The following CNTN4 variants were observed in gnomAD, a reference collection of about 807,000 sequenced individuals.
CNTN4 encodes the protein contactin-4.
Under a neutral mutation model 122.5 loss-of-function variants are expected in CNTN4, and 77 were observed. The observed-to-expected ratio is 0.63, with a 90% confidence interval of 0.52 to 0.76. The LOEUF (loss-of-function observed/expected upper bound fraction) is 0.76. CNTN4 is among the 30% of genes least tolerant of loss of function. The probability of loss-of-function intolerance (pLI) is 0.00; values close to 1 mark genes in which losing one functional copy is unlikely to be tolerated. For missense variants in CNTN4, 1,256 were observed against 1,259.1 expected, an observed-to-expected ratio of 1.00 and a Z score of 0.04; for synonymous variants, 512 against 447.0, an observed-to-expected ratio of 1.15 and a Z score of -1.83.
intron 5 of CNTN4, among the ~76,000 whole-genome samples, chr3:2,736,791 T>TTTAC (rs34811084): frequency 5.3e-5 from 8 of 150,422 alleles, no homozygotes; most frequent in East Asian, 2.0e-4. Context: ...TATTTATTTA[T>TTTAC]TTATTTATTT....
chr3:2,550,631 C>G (rs1003116629), intron 3 of CNTN4, among the ~76,000 whole-genome samples: 1 of 152,148 alleles, frequency 6.6e-6, no homozygotes, highest in Non-Finnish European at 1.5e-5. Flanking sequence ...AACCATTCTA[C>G]TATAAAGACA....
intron 3 of CNTN4, among the ~76,000 whole-genome samples, chr3:2,410,022 G>A (rs1023513332): frequency 5.3e-5 from 8 of 152,262 alleles, no homozygotes; most frequent in South Asian, 2.1e-4. Flanking sequence ...ATAGAAATTA[G>A]CCATATTATA....
At chr3:2,785,904 C>CG (rs869285649) in intron 6 of CNTN4, among the ~76,000 whole-genome samples, 1 of 130,804 alleles carries the variant, frequency 7.6e-6, no homozygotes, top group Non-Finnish European at 1.7e-5. Context: ...TGCCCCCCCC[C>CG]GCCCCCCCAT....
At chr3:2,562,263 G>T (rs1221240032) in intron 3 of CNTN4, among the ~76,000 whole-genome samples, 1 of 152,242 alleles carries the variant, frequency 6.6e-6, no homozygotes, top group East Asian at 1.9e-4. Context: ...GGGGGTACTT[G>T]TGTGGGTTTG....
At chr3:2,762,170 G>A (rs1286144549) in intron 6 of CNTN4, among the ~76,000 whole-genome samples, 1 of 152,246 alleles carries the variant, frequency 6.6e-6, no homozygotes, top group Admixed American at 6.5e-5. Context: ...GTAGAAAAGC[G>A]GGAATGAAGA....
At position 2,562,942 on chromosome 3, in the gene CNTN4, G is replaced by A. The variant is rs145906741; in HGVS notation, c.-88-8474G>A. 3.2e-3 allele frequency among the ~76,000 whole-genome samples: 482 copies of A among 151,954 alleles called. 4 individuals are homozygous for A. The highest frequency in any genetic ancestry group is 0.017 in the Middle Eastern group (5 of 294). ...GGTATCCCCCTGTGTTGCCCTGGCT[G>A]GTCTCGAAGTCCTGGACTGAAACAG... On this transcript the variant is annotated intron_variant, in intron 3 of 24. Transcript: ENST00000418658.
In CNTN4 at chr3:3,055,161, A is replaced by G. The variant is rs1008462249; in HGVS notation, c.2981-959A>G. On this transcript the variant is annotated intron_variant, in intron 24 of 24. Coordinates refer to ENST00000418658, the MANE Select transcript of CNTN4 (RefSeq NM_175607.3). ...CTTAAAAGGGGGACAATTGGATTAT[A>G]CTTTATCAAACAAAGCCTCTAACTT... 2.6e-5 allele frequency among the ~76,000 whole-genome samples: 4 copies of G among 152,178 alleles called. No individual in the cohort carries two copies. In the East Asian group the frequency reaches 5.8e-4, roughly 22 times the overall value.
chr3:2,853,425 A>G (rs1282079700), intron 7 of CNTN4, among the ~76,000 whole-genome samples: 5 of 152,052 alleles, frequency 3.3e-5, no homozygotes, highest in Non-Finnish European at 5.9e-5. Context: ...TTGAATTTTT[A>G]GTAGAGATGG....
At chr3:2,632,137 C>A (rs561718920) in intron 4 of CNTN4, among the ~76,000 whole-genome samples, 29 of 152,116 alleles carry the variant, frequency 1.9e-4, no homozygotes, top group African/African-American at 6.7e-4. Flanking sequence ...TTATGTCTCT[C>A]CTGATCTGTA....
chr3:2,813,166 G>C (rs926220224), intron 6 of CNTN4, among the ~76,000 whole-genome samples: 3 of 152,192 alleles, frequency 2.0e-5, no homozygotes, highest in Admixed American at 6.5e-5. Flanking sequence ...GCATGATAGT[G>C]AGTTTTTAAA....
intron 3 of CNTN4, among the ~76,000 whole-genome samples, chr3:2,460,687 C>A (rs147061106): frequency 1.3e-5 from 2 of 152,138 alleles, no homozygotes; most frequent in Non-Finnish European, 2.9e-5. Flanking sequence ...TTAAGGATTA[C>A]AGTTGAAGAT....
intron 2 of CNTN4, among the ~76,000 whole-genome samples, chr3:2,321,322 T>C (rs751346037): frequency 6.6e-6 from 1 of 152,122 alleles, no homozygotes; most frequent in Non-Finnish European, 1.5e-5. Flanking sequence ...TTATTAGCCA[T>C]GTACCCCCAT....
chr3:2,210,496 C>T (rs1336631119), intron 2 of CNTN4, among the ~76,000 whole-genome samples: 1 of 152,164 alleles, frequency 6.6e-6, no homozygotes. Context: ...ACATTTTCCA[C>T]ACAATGTAGC....
chr3:2,331,921 G>C (rs1003537120), intron 2 of CNTN4, among the ~76,000 whole-genome samples: 1 of 152,158 alleles, frequency 6.6e-6, no homozygotes, highest in Non-Finnish European at 1.5e-5. Context: ...CTAGCCCACT[G>C]CTACTGGGCT....
At chr3:2,104,286 G>C (rs2032249642) in intron 2 of CNTN4, among the ~76,000 whole-genome samples, 1 of 151,692 alleles carries the variant, frequency 6.6e-6, no homozygotes, top group African/African-American at 2.4e-5. Context: ...TGATTTAATG[G>C]GGTTGGAGGG....
chr3:2,623,972 A>C (rs779768338), intron 4 of CNTN4, among the ~76,000 whole-genome samples: 2 of 152,208 alleles, frequency 1.3e-5, no homozygotes, highest in Non-Finnish European at 2.9e-5. Flanking sequence ...ATTATTAATG[A>C]GATAATCATG....
intron 11 of CNTN4, among the ~76,000 whole-genome samples, chr3:2,902,050 G>GT (rs1405189550): frequency 1.3e-5 from 2 of 152,140 alleles, no homozygotes; most frequent in Non-Finnish European, 2.9e-5. Context: ...ACTTGGGCTT[G>GT]TTTCTTAATG....
At chr3:2,651,412 T>A (rs781472425) in intron 4 of CNTN4, among the ~76,000 whole-genome samples, 110 of 152,214 alleles carry the variant, frequency 7.2e-4, no homozygotes, top group Non-Finnish European at 7.5e-4. Context: ...ACATAGGTAG[T>A]CAGTCATTTG....
rs530033544 is a variant in CNTN4 at position 2,576,105 on chromosome 3, A to G, written c.55+4547A>G. On this transcript the variant is annotated intron_variant, in intron 4 of 24. Coordinates refer to ENST00000418658, the MANE Select transcript of CNTN4 (RefSeq NM_175607.3). ...CCACCTCGGCCTCCCAGAGTGCTGG[A>G]ATTACAGGCGTGAGCCACCACGCCC... Among the ~76,000 whole-genome samples the G allele has an allele frequency of 6.4e-4, 98 of 152,144 alleles. 1 individual carries two copies. Among genetic ancestry groups the G allele is most frequent in the East Asian group, 4.3e-3 (22 of 5,170 alleles).
Sources: allele counts gnomAD v4.1 joint callset (sites outside exome capture counted in the v4.1 genomes callset), GRCh38; gene constraint gnomAD v4.1.1; transcripts MANE v1.5; gene names NCBI Gene and HGNC (gene_info 2026-07-23, HGNC 2026-07-21).